The following ACAD11 variants were observed in gnomAD, a reference collection of about 807,000 sequenced individuals.
ACAD11 encodes acyl-Coenzyme A dehydrogenase family, member 11.
Under a neutral mutation model 102.2 loss-of-function variants are expected in ACAD11, and 83 were observed. The ratio of observed to expected loss-of-function variants is 0.81; its 90% CI spans 0.68 to 0.97. ACAD11 has a LOEUF of 0.97. ACAD11 is among the 50% of genes least tolerant of loss of function. The pLI is 0.00. For missense variants in ACAD11, 901 were observed against 951.7 expected (o/e 0.95, Z 0.70); for synonymous variants, 324 against 319.8 (o/e 1.01, Z -0.14).
intron 13 of ACAD11, 60 bp downstream of exon 13, chr3:132,603,169 G>C: frequency 2.3e-6 from 3 of 1,303,176 alleles, no homozygotes; most frequent in Non-Finnish European, 3.3e-6. Flanking sequence ...CAATATTCTA[G>C]CATAGCATCT....
chr3:132,602,357 C>T lies in ACAD11; in HGVS notation c.1621+872G>A, dbSNP rs1295876328. 3 of 167,106 alleles carry T rather than the reference C, an allele frequency of 1.8e-5. No individual in the cohort carries two copies. In the East Asian group the frequency reaches 5.8e-4, roughly 32 times the overall value. The allele number at this position is 167,106 out of a possible 1,614,324, so 10.4% of individuals were successfully genotyped here. On this transcript the variant is annotated intron_variant, in intron 13 of 19. Transcript: ENST00000264990. ...ATATAGTCTAGGTGTAATCCTCAGA[C>T]TATCATTTTCATCTGGGTTCCAATT...
chr3:132,595,838 C>T (rs1226888920), intron 13 of ACAD11, among the ~76,000 whole-genome samples: 1 of 152,240 alleles, frequency 6.6e-6, no homozygotes, highest in East Asian at 1.9e-4. Flanking sequence ...CACTTACAAA[C>T]TGTTGGTGGG....
intron 11 of ACAD11, among the ~76,000 whole-genome samples, chr3:132,606,240 A>G (rs999440586): frequency 6.6e-6 from 1 of 152,182 alleles, no homozygotes; most frequent in South Asian, 2.1e-4. Flanking sequence ...AGATGTCTGC[A>G]CTCTGTTCAG....
intron 13 of ACAD11, among the ~76,000 whole-genome samples, chr3:132,594,153 C>G (rs1326045547): frequency 6.6e-6 from 1 of 152,158 alleles, no homozygotes; most frequent in East Asian, 1.9e-4. Context: ...CTGAGATCCC[C>G]TATGCCTCAA....
Position 132,628,395 on chromosome 3 carries a change from A to G in ACAD11, c.1015T>C (p.Leu339=), listed in dbSNP as rs751205327. Residue 339 remains leucine (L), a synonymous_variant, in exon 8 of 20, where the codon TTA becomes CTA. Transcript: ENST00000264990. ...AGAGGTTGCACAATATTGGCAAATAAAAAGCTATCCTCAGATGAATTATTT... is the reference window on the plus strand; with the variant it reads ...AGAGGTTGCACAATATTGGCAAATAGAAAGCTATCCTCAGATGAATTATTT... ...LGNNSSEDSF[L]FANIVQPLAE... is the part of the protein sequence containing the mutation. 1.2e-6 allele frequency: 2 copies of G among 1,613,356 alleles called. No homozygotes were observed. The highest frequency in any genetic ancestry group is 1.7e-6 in the Non-Finnish European group (2 of 1,179,680).
chr3:132,578,484 T>TTAATCTGTGCATTAATTCA (rs1158456732), intron 15 of ACAD11: 1 of 153,500 alleles, frequency 6.5e-6, no homozygotes, highest in African/African-American at 2.4e-5. Context: ...CATTAATCCA[T>TTAATCTGTGCATTAATTCA]TTTTATGAAT....
chr3:132,594,425 T>C (rs890018545), intron 13 of ACAD11, among the ~76,000 whole-genome samples: 4 of 152,160 alleles, frequency 2.6e-5, no homozygotes, highest in Non-Finnish European at 5.9e-5. Context: ...AATTTAGAAC[T>C]CCAGCTCCAT....
At chr3:132,650,080 CAG>C (rs1283328501) in intron 1 of ACAD11, 2 of 152,126 alleles carry the variant, frequency 1.3e-5, no homozygotes, top group African/African-American at 2.4e-5. Flanking sequence ...AACAAAGAGA[CAG>C]AGTTTCTTGT....
Position 132,603,231 on chromosome 3 carries a change from C to A in ACAD11, c.1619G>T (p.Ser540Ile). Residue 540 changes from serine (S) to isoleucine (I), a missense_variant and splice_region_variant, in exon 13 of 20, where the codon AGT becomes ATT. Transcript: ENST00000264990. ...AAAAAATTAGGCTGAACACTCACCA[C>A]TGCTCCACCATTTTTTGCCGTTAAT... ...YVINGKKWWS[S>I]GAGNPKCKIA... 1 of 1,613,826 alleles carries A rather than the reference C, an allele frequency of 6.2e-7. No homozygotes were observed. The highest frequency in any genetic ancestry group is 8.5e-7 in the Non-Finnish European group (1 of 1,179,726).
chr3:132,647,190 T>C (rs891497499), intron 1 of ACAD11: 1 of 152,170 alleles, frequency 6.6e-6, no homozygotes, highest in Non-Finnish European at 1.5e-5. Flanking sequence ...CAGAAGCCCA[T>C]TTGCATGGGA....
intron 13 of ACAD11, among the ~76,000 whole-genome samples, chr3:132,592,583 AC>A (rs1320237225): frequency 6.6e-6 from 1 of 152,230 alleles, no homozygotes; most frequent in Non-Finnish European, 1.5e-5. Flanking sequence ...GGATAAAAAA[AC>A]ATGACCTTTG....
At chr3:132,566,481 G>T (rs968933102) in intron 17 of ACAD11, among the ~76,000 whole-genome samples, 5 of 151,922 alleles carry the variant, frequency 3.3e-5, no homozygotes, top group African/African-American at 1.2e-4. Context: ...CAAGAAGCTG[G>T]GTGAATCCCA....
intron 4 of ACAD11, 58 bp downstream of exon 4, chr3:132,641,914 A>G (rs1016953206): frequency 2.1e-6 from 3 of 1,457,964 alleles, no homozygotes; most frequent in South Asian, 1.5e-5. Flanking sequence ...TTGTTGACTA[A>G]TAAGGTATAT....
chr3:132,561,344 T>A, intron 17 of ACAD11, 127 bp from the exon 18 acceptor site: 1 of 728,632 alleles, frequency 1.4e-6, no homozygotes, highest in Non-Finnish European at 2.4e-6. Flanking sequence ...AGCTTTACTC[T>A]ATGTATTTTT....
intron 8 of ACAD11, 149 bp downstream of exon 8, chr3:132,628,191 A>C (rs1038915608): frequency 6.6e-6 from 3 of 455,878 alleles, no homozygotes; most frequent in African/African-American, 2.0e-5. Flanking sequence ...TTTTAGGCAT[A>C]GAAGAGATTT....
chr3:132,646,742 A>G (rs1940732229), intron 1 of ACAD11, among the ~76,000 whole-genome samples: 1 of 152,258 alleles, frequency 6.6e-6, no homozygotes, highest in African/African-American at 2.4e-5. Flanking sequence ...TATCTATACA[A>G]TGGATTATTG....
chr3:132,647,705 G>A (rs1940767705), intron 1 of ACAD11, among the ~76,000 whole-genome samples: 1 of 152,106 alleles, frequency 6.6e-6, no homozygotes, highest in South Asian at 2.1e-4. Context: ...GTGAGTATGG[G>A]TACCACCTTG....
intron 13 of ACAD11, among the ~76,000 whole-genome samples, chr3:132,594,721 C>T (rs1402168957): frequency 2.0e-5 from 3 of 151,992 alleles, no homozygotes; most frequent in Non-Finnish European, 4.4e-5. Context: ...AGTTAGGGAA[C>T]TAAAATAGGG....
At chr3:132,655,634 A>C (rs919089305) in intron 1 of ACAD11, among the ~76,000 whole-genome samples, 1 of 152,154 alleles carries the variant, frequency 6.6e-6, no homozygotes, top group African/African-American at 2.4e-5. Flanking sequence ...TTCCTGCCCC[A>C]CACCCAAACA....
Sources: allele counts gnomAD v4.1 joint callset (sites outside exome capture counted in the v4.1 genomes callset), GRCh38; gene constraint gnomAD v4.1.1; transcripts MANE v1.5; gene names NCBI Gene and HGNC (gene_info 2026-07-23, HGNC 2026-07-21).